UNC79: variants seen among roughly 807,000 people sequenced by gnomAD.
UNC79 encodes the protein protein unc-79 homolog.
Under a neutral mutation model 283.1 loss-of-function variants are expected in UNC79, and 37 were observed. That is an observed-to-expected ratio of 0.13 (90% CI 0.10 to 0.17). The LOEUF (loss-of-function observed/expected upper bound fraction) is 0.17, where lower values mean the gene tolerates loss of function less well. Among genes scored for constraint, UNC79 ranks in the 10% least tolerant of loss-of-function variants. The pLI is 1.00. For missense variants in UNC79, 2,272 were observed against 3,211.1 expected (o/e 0.71, Z 7.07); for synonymous variants, 1,107 against 1,200.2 (o/e 0.92, Z 1.61).
At chr14:93,624,784 C>T (rs901890814) in intron 30 of UNC79, among the ~76,000 whole-genome samples, 5 of 152,096 alleles carry the variant, frequency 3.3e-5, no homozygotes, top group East Asian at 1.9e-4. Flanking sequence ...GAAGGAGTCC[C>T]GTGTGCTCAG....
intron 31 of UNC79, among the ~76,000 whole-genome samples, chr14:93,632,953 T>C (rs982605193): frequency 6.6e-6 from 1 of 152,146 alleles, no homozygotes; most frequent in African/African-American, 2.4e-5. Context: ...GTATCATGCC[T>C]GGTACCTTAT....
At chr14:93,346,556 T>C (rs2053835407) in intron 1 of UNC79, among the ~76,000 whole-genome samples, 1 of 152,240 alleles carries the variant, frequency 6.6e-6, no homozygotes, top group Non-Finnish European at 1.5e-5. Flanking sequence ...ACACTCTATT[T>C]GACCCTGCCA....
intron 1 of UNC79, among the ~76,000 whole-genome samples, chr14:93,340,805 C>A (rs1306020042): frequency 6.6e-6 from 1 of 152,082 alleles, no homozygotes; most frequent in Non-Finnish European, 1.5e-5. Flanking sequence ...CTCCTGGGCT[C>A]AAGCAATCTG....
chr14:93,378,302 A>G (rs2054601106), intron 1 of UNC79, among the ~76,000 whole-genome samples: 1 of 152,198 alleles, frequency 6.6e-6, no homozygotes, highest in South Asian at 2.1e-4. Context: ...TGGCATTCTC[A>G]CTGTATCTTT....
intron 7 of UNC79, among the ~76,000 whole-genome samples, chr14:93,511,743 C>T (rs1415839992): frequency 1.3e-5 from 2 of 152,254 alleles, no homozygotes; most frequent in South Asian, 2.1e-4. Context: ...CCGTGCATGA[C>T]CAGTTCTTAA....
exon 18 of UNC79, chr14:93,578,041 T>C (rs1275962908): frequency 3.1e-6 from 5 of 1,614,206 alleles, no homozygotes; most frequent in Non-Finnish European, 4.2e-6. Flanking sequence ...TTCATCCTCA[T>C]GTTTGATCTT....
At chr14:93,608,914 G>A (rs761758795) in intron 26 of UNC79, among the ~76,000 whole-genome samples, 8 of 152,144 alleles carry the variant, frequency 5.3e-5, no homozygotes, top group Non-Finnish European at 1.2e-4. Context: ...TTCTGTGAGG[G>A]ATATAAAGAT....
At chr14:93,357,700 T>TGG (rs1486993649) in intron 1 of UNC79, among the ~76,000 whole-genome samples, 15 of 119,720 alleles carry the variant, frequency 1.3e-4, no homozygotes, top group African/African-American at 5.5e-4. Context: ...TATATATATA[T>TGG]ATATATATAT....
chr14:93,574,416 C>A (rs1240379896), intron 16 of UNC79, among the ~76,000 whole-genome samples: 4 of 152,180 alleles, frequency 2.6e-5, no homozygotes, highest in African/African-American at 9.7e-5. Context: ...CTGAAATAGG[C>A]ACTGGAATAA....
chr14:93,464,702 G>A (rs1287693950), intron 1 of UNC79: 1 of 420,142 alleles, frequency 2.4e-6, no homozygotes, highest in African/African-American at 2.1e-5. Context: ...TGTAGCCTTA[G>A]GGTCAGTTGA....
chr14:93,519,557 CT>C (rs2060226083), intron 7 of UNC79, among the ~76,000 whole-genome samples: 2 of 151,734 alleles, frequency 1.3e-5, no homozygotes, highest in Non-Finnish European at 3.0e-5. Context: ...GAATTGAAGC[CT>C]ATCATGATAC....
intron 1 of UNC79, among the ~76,000 whole-genome samples, chr14:93,411,181 C>T (rs1172381342): frequency 1.3e-5 from 2 of 152,086 alleles, no homozygotes; most frequent in Non-Finnish European, 2.9e-5. Context: ...CAGTACTCCC[C>T]ATCCTGGCCA....
At chr14:93,593,648 T>G (rs2064853355) in intron 22 of UNC79, 32 bp from the exon 23 acceptor site, 7 of 1,590,076 alleles carry the variant, frequency 4.4e-6, no homozygotes, top group Non-Finnish European at 6.0e-6. Flanking sequence ...TTGTGATAAC[T>G]GTCACCACTT....
chr14:93,672,509 G>C (rs2072968621), intron 40 of UNC79, among the ~76,000 whole-genome samples: 1 of 152,172 alleles, frequency 6.6e-6, no homozygotes, highest in Non-Finnish European at 1.5e-5. Flanking sequence ...ACCAGAGGCT[G>C]GGAAGGGTGT....
chr14:93,590,977 C>T (rs2064630048), intron 22 of UNC79, among the ~76,000 whole-genome samples: 1 of 152,200 alleles, frequency 6.6e-6, no homozygotes, highest in Non-Finnish European at 1.5e-5. Flanking sequence ...TGCATACCTA[C>T]TAAGTGCCAT....
chr14:93,509,218 T>TC, intron 7 of UNC79, among the ~76,000 whole-genome samples: 1 of 152,132 alleles, frequency 6.6e-6, no homozygotes, highest in East Asian at 1.9e-4. Context: ...CAATCACCCC[T>TC]CACCAGGCCC....
chr14:93,638,737 G>A (rs1024094441), intron 32 of UNC79, among the ~76,000 whole-genome samples: 2 of 152,252 alleles, frequency 1.3e-5, no homozygotes, highest in South Asian at 2.1e-4. Context: ...CAGAAATGTC[G>A]GCAGCAACTT....
chr14:93,650,402 G>A (rs1190413282), intron 35 of UNC79, among the ~76,000 whole-genome samples: 1 of 152,038 alleles, frequency 6.6e-6, no homozygotes, highest in African/African-American at 2.4e-5. Context: ...CTCTTAAAGT[G>A]GTTATGCCAC....
chr14:93,347,043 C>T lies in UNC79; in HGVS notation c.-351+13520C>T. 1.7e-5 allele frequency: 8 copies of T among 475,860 alleles called. No individual in the cohort carries two copies. In the South Asian group the frequency reaches 2.9e-4, roughly 18 times the overall value. The allele number at this position is 475,860 out of a possible 1,614,324, so 29.5% of individuals were successfully genotyped here. On this transcript the variant is annotated intron_variant, in intron 1 of 49. Transcript: ENST00000256339. ...CAGAGGGGGTGGGGCAAAGCACGGA[C>T]TGCTGAGTGGAAAGGGCAGTACAGA...
Sources: allele counts gnomAD v4.1 joint callset (sites outside exome capture counted in the v4.1 genomes callset), GRCh38; gene constraint gnomAD v4.1.1; transcripts MANE v1.5; gene names NCBI Gene and HGNC (gene_info 2026-07-23, HGNC 2026-07-21).